ATP2B1: variants seen among roughly 807,000 people sequenced by gnomAD.
The protein encoded by ATP2B1 is ATPase plasma membrane Ca2+ transporting 1.
A neutral mutation model predicts 124.2 loss-of-function variants in ATP2B1; 14 were observed. The observed-to-expected ratio is 0.11, with a 90% CI of 0.07 to 0.18. The LOEUF (loss-of-function observed/expected upper bound fraction) is 0.18, where lower values mean the gene tolerates loss of function less well. ATP2B1 is among the 10% of genes least tolerant of loss of function. The pLI, the probability that ATP2B1 is intolerant of heterozygous loss-of-function variation, is 1.00. For missense variants in ATP2B1, 763 were observed against 1,466.1 expected, an observed-to-expected ratio of 0.52 and a Z score of 7.83; for synonymous variants, 449 against 492.4, an observed-to-expected ratio of 0.91 and a Z score of 1.17.
chr12:89,627,897 C>A (rs11105349), intron 6 of ATP2B1, among the ~76,000 whole-genome samples, 181 bp from the exon 7 acceptor site: 1 of 152,154 alleles, frequency 6.6e-6, no homozygotes, highest in African/African-American at 2.4e-5. Flanking sequence ...GTCTTACCTA[C>A]GGGAGAATAC....
chr12:89,629,353 T>C (rs1391894058), intron 6 of ATP2B1, among the ~76,000 whole-genome samples: 1 of 152,104 alleles, frequency 6.6e-6, no homozygotes, highest in Non-Finnish European at 1.5e-5. Context: ...TGAGGATTAA[T>C]GAGATAGTGC....
chr12:89,640,762 G>A (rs2136232258), intron 3 of ATP2B1, among the ~76,000 whole-genome samples: 1 of 152,048 alleles, frequency 6.6e-6, no homozygotes, highest in Middle Eastern at 3.4e-3. Context: ...CTTCACACAA[G>A]AGCAGGTCCT....
chr12:89,689,909 T>C (rs892557241), intron 1 of ATP2B1, among the ~76,000 whole-genome samples: 1 of 152,150 alleles, frequency 6.6e-6, no homozygotes, highest in African/African-American at 2.4e-5. Flanking sequence ...ACAGAAATTG[T>C]AATGGTCTGA....
chr12:89,686,443 C>A (rs10745509), intron 1 of ATP2B1, among the ~76,000 whole-genome samples: 138,237 of 152,102 alleles, frequency 0.91, 63,238 homozygotes, highest in East Asian at 0.99. Context: ...TGCGTACACT[C>A]ACTTTTATTT....
chr12:89,661,346 A>C (rs1294778636), intron 1 of ATP2B1, among the ~76,000 whole-genome samples: 1 of 152,202 alleles, frequency 6.6e-6, no homozygotes, highest in African/African-American at 2.4e-5. Flanking sequence ...CTTTTCTGTT[A>C]AATCATGGTT....
chr12:89,708,842 G>A (rs1040043447), upstream of ATP2B1: 3 of 152,220 alleles, frequency 2.0e-5, no homozygotes, highest in Non-Finnish European at 2.9e-5. Context: ...GCACTGCGAG[G>A]AGGCGGCGGC....
chr12:89,595,122 G>A (rs1874332322), intron 20 of ATP2B1, among the ~76,000 whole-genome samples: 2 of 151,970 alleles, frequency 1.3e-5, no homozygotes, highest in South Asian at 4.1e-4. Context: ...AAATATTTTA[G>A]GTTTTGTGAA....
At chr12:89,697,832 T>C (rs1288846881) in intron 1 of ATP2B1, among the ~76,000 whole-genome samples, 2 of 151,166 alleles carry the variant, frequency 1.3e-5, no homozygotes, top group African/African-American at 4.9e-5. Context: ...CAAATAATGC[T>C]TACAAAGCTA....
At position 89,626,532 on chromosome 12, in the gene ATP2B1, T is replaced by C; in HGVS notation, c.1051A>G (p.Lys351Glu). The C allele has an allele frequency of 1.2e-6, 2 of 1,613,892 alleles. No homozygotes were observed. Among genetic ancestry groups the C allele is most frequent in the Non-Finnish European group, 1.7e-6 (2 of 1,179,944 alleles). The change falls in exon 8 of 21, where the codon AAA becomes GAA. Residue 351 changes from lysine (K) to glutamate (E), a missense_variant. Coordinates refer to ENST00000428670, the MANE Select transcript of ATP2B1 (RefSeq NM_001366521.1). ...GGDGDEKDKK[K>E]ANLPKKEKSV... ...TTTTCCTTTTTTGGCAAATTTGCTT[T>C]CTTTTTATCTTTTTCATCACCATCT...
intron 20 of ATP2B1, among the ~76,000 whole-genome samples, chr12:89,598,039 C>CAAAAAAAAAAAAAAA (rs10661138): frequency 2.0e-4 from 12 of 60,530 alleles, no homozygotes; most frequent in Middle Eastern, 0.026. Flanking sequence ...CACAACCAAG[C>CAAAAAAAAAAAAAAA]AAAAAAAAAA....
chr12:89,618,503 T>TA (rs2136064298), intron 11 of ATP2B1, among the ~76,000 whole-genome samples: 1 of 152,330 alleles, frequency 6.6e-6, no homozygotes, highest in South Asian at 2.1e-4. Flanking sequence ...ATCTATCTAC[T>TA]ACCCAGCAAG....
At chr12:89,628,824 A>C (rs561870331) in intron 6 of ATP2B1, among the ~76,000 whole-genome samples, 14 of 152,330 alleles carry the variant, frequency 9.2e-5, no homozygotes, top group African/African-American at 3.4e-4. Context: ...ATACCTAGCT[A>C]CTTTTAATGA....
At chr12:89,700,012 ATTT>A (rs34709694) in intron 1 of ATP2B1, among the ~76,000 whole-genome samples, 1 of 133,216 alleles carries the variant, frequency 7.5e-6, no homozygotes, top group Non-Finnish European at 1.6e-5. Flanking sequence ...GCCTGGCTAA[ATTT>A]TTTTTTTTTT....
chr12:89,645,970 T>G (rs991881728), intron 2 of ATP2B1, among the ~76,000 whole-genome samples: 1 of 152,132 alleles, frequency 6.6e-6, no homozygotes, highest in African/African-American at 2.4e-5. Context: ...GTGCTTGTAT[T>G]TGGGTTTTAG....
Position 89,655,899 on chromosome 12 carries a change from A to G in ATP2B1, c.-13T>C, listed in dbSNP as rs754023794. 26 of 1,546,792 alleles carry G rather than the reference A, an allele frequency of 1.7e-5. No homozygotes were observed. Among genetic ancestry groups the G allele is most frequent in the Non-Finnish European group, 2.1e-5 (24 of 1,146,172 alleles). On this transcript the variant is annotated 5_prime_UTR_variant, in exon 2 of 21. Transcript: ENST00000428670. ...CCATGTCGCCCATTACAAGTATAAT[A>G]TATCAGAAGGAAAATGTTTCCCAAA... is the stretch of plus-strand genomic sequence containing the variant.
At chr12:89,705,215 C>T (rs551079030) in intron 1 of ATP2B1, among the ~76,000 whole-genome samples, 71 of 152,114 alleles carry the variant, frequency 4.7e-4, no homozygotes, top group African/African-American at 1.6e-3. Context: ...ATTCCCATAA[C>T]CATTGTATGT....
chr12:89,657,074 A>T (rs1397323522), intron 1 of ATP2B1, among the ~76,000 whole-genome samples: 1 of 152,104 alleles, frequency 6.6e-6, no homozygotes, highest in Non-Finnish European at 1.5e-5. Context: ...AATCACCTCA[A>T]AGTTAACATG....
At chr12:89,594,354 TAGGA>T (rs1190604492) in intron 20 of ATP2B1, 2 of 151,920 alleles carry the variant, frequency 1.3e-5, no homozygotes, top group Non-Finnish European at 2.9e-5. Context: ...ATACTTTAGG[TAGGA>T]AGGAAACTAT....
At chr12:89,610,561 T>C in intron 13 of ATP2B1, 53 bp from the exon 14 acceptor site, 1 of 1,410,922 alleles carries the variant, frequency 7.1e-7, no homozygotes, top group Non-Finnish European at 1.0e-6. Flanking sequence ...TCTTAAATCC[T>C]AATGAGCTAT....
Sources: allele counts gnomAD v4.1 joint callset (sites outside exome capture counted in the v4.1 genomes callset), GRCh38; gene constraint gnomAD v4.1.1; transcripts MANE v1.5; gene names NCBI Gene and HGNC (gene_info 2026-07-23, HGNC 2026-07-21).